The following AGXT2 variants were observed in gnomAD, a reference collection of about 807,000 sequenced individuals.
The protein encoded by AGXT2 is alanine--glyoxylate aminotransferase 2, mitochondrial.
AGXT2 carries 61 observed loss-of-function variants against 62.5 expected under a neutral mutation model. That is an observed-to-expected ratio of 0.98 (90% CI 0.79 to 1.21). AGXT2 has a LOEUF of 1.21. Among genes scored for constraint, AGXT2 ranks in the 50% most tolerant of loss-of-function variants. AGXT2 has a pLI of 0.00. For synonymous variants in AGXT2, 243 were observed against 218.7 expected (o/e 1.11, Z -0.98); for missense variants, 666 against 641.5 (o/e 1.04, Z -0.41).
intron 12 of AGXT2, among the ~76,000 whole-genome samples, chr5:35,008,080 G>A (rs537397987): frequency 3.3e-5 from 5 of 152,122 alleles, no homozygotes; most frequent in East Asian, 1.9e-4. Context: ...CTTCCTGTAT[G>A]GTCTGCAGAA....
At chr5:35,039,268 A>G in intron 3 of AGXT2, 56 bp downstream of exon 3, 1 of 1,570,088 alleles carries the variant, frequency 6.4e-7, no homozygotes, top group Non-Finnish European at 8.8e-7. Context: ...CACTAACATA[A>G]TTGTTTTCCA....
At chr5:35,010,506 C>T (rs535816410) in intron 11 of AGXT2, among the ~76,000 whole-genome samples, 37 of 151,904 alleles carry the variant, frequency 2.4e-4, no homozygotes, top group African/African-American at 3.4e-4. Context: ...GGTGAAACCC[C>T]GTCTCTACTT....
chr5:35,037,262 TCCTCTCC>T, intron 3 of AGXT2, among the ~76,000 whole-genome samples, 197 bp from the exon 4 acceptor site: 2 of 152,320 alleles, frequency 1.3e-5, no homozygotes, highest in South Asian at 4.1e-4. Context: ...GGTAATGAAT[TCCTCTCC>T]AAGAGCAGGG....
intron 13 of AGXT2, among the ~76,000 whole-genome samples, chr5:35,002,764 G>T (rs1766276891): frequency 7.9e-6 from 1 of 126,828 alleles, no homozygotes; most frequent in Non-Finnish European, 1.7e-5. Flanking sequence ...ATGGCGCTTT[G>T]TGATAGCAGG....
chr5:35,005,201 T>TG (rs34010471), intron 12 of AGXT2, among the ~76,000 whole-genome samples: 18 of 152,024 alleles, frequency 1.2e-4, no homozygotes, highest in Non-Finnish European at 2.4e-4. Context: ...AAGGTTGGGT[T>TG]GGGGGGGTCA....
chr5:35,025,660 G>C, intron 9 of AGXT2, 103 bp downstream of exon 9: 1 of 1,244,936 alleles, frequency 8.0e-7, no homozygotes, highest in Non-Finnish European at 1.2e-6. Context: ...GGAATTCACA[G>C]AGCAGAGGCT....
chr5:35,021,148 C>G (rs1767064426), intron 9 of AGXT2, among the ~76,000 whole-genome samples: 1 of 152,154 alleles, frequency 6.6e-6, no homozygotes, highest in Admixed American at 6.5e-5. Flanking sequence ...GCCACACTGC[C>G]CAAGGTAATT....
chr5:35,024,618 A>G (rs1239117230), intron 9 of AGXT2, among the ~76,000 whole-genome samples: 2 of 152,206 alleles, frequency 1.3e-5, no homozygotes, highest in Non-Finnish European at 2.9e-5. Context: ...CAAATGCAGT[A>G]CCTGCAGTTG....
chr5:35,031,145 G>C (rs904704160), intron 7 of AGXT2, among the ~76,000 whole-genome samples: 14 of 152,204 alleles, frequency 9.2e-5, no homozygotes, highest in African/African-American at 3.4e-4. Context: ...CGGCACATCA[G>C]TGTGGATGAG....
chr5:35,023,390 C>A (rs958902569), intron 9 of AGXT2, among the ~76,000 whole-genome samples: 1 of 152,126 alleles, frequency 6.6e-6, no homozygotes, highest in Non-Finnish European at 1.5e-5. Context: ...AGAGTTCCAG[C>A]TATTCTTATT....
intron 1 of AGXT2, among the ~76,000 whole-genome samples, chr5:35,045,764 C>CTTTTTTCT (rs1768169582): frequency 2.0e-5 from 2 of 99,164 alleles, no homozygotes; most frequent in Non-Finnish European, 2.0e-5. Flanking sequence ...TTTCTTTTTT[C>CTTTTTTCT]TTTTTTTTTT....
intron 9 of AGXT2, among the ~76,000 whole-genome samples, chr5:35,014,464 A>AAAAG (rs1315088793): frequency 6.6e-6 from 1 of 151,216 alleles, no homozygotes; most frequent in Non-Finnish European, 1.5e-5. Context: ...AAAAAAAAAA[A>AAAAG]AAAAAAAAGA....
chr5:35,014,007 G>A lies in AGXT2; in HGVS notation c.1076C>T (p.Ala359Val). ...AKGIGNGFPM[A>V]AVITTPEIAK... Reference sequence around the variant, plus strand: ...CCTACCTGGAGTGGTTATGACTGCTGCCATGGGAAAGCCATTCCCAATCCC... The same window carrying A: ...CCTACCTGGAGTGGTTATGACTGCTACCATGGGAAAGCCATTCCCAATCCC... Residue 359 changes from alanine to valine, a missense_variant, in exon 10 of 14, where the codon GCA (alanine) becomes GTA (valine). Coordinates refer to ENST00000231420, the MANE Select transcript of AGXT2 (RefSeq NM_031900.4). 1 of 1,614,072 alleles carries A rather than the reference G, an allele frequency of 6.2e-7. No homozygotes were observed. The highest frequency in any genetic ancestry group is 8.5e-7 in the Non-Finnish European group (1 of 1,179,988).
chr5:35,046,471 C>G (rs1044519983), intron 1 of AGXT2, among the ~76,000 whole-genome samples: 2 of 152,146 alleles, frequency 1.3e-5, no homozygotes, highest in Non-Finnish European at 2.9e-5. Context: ...TCTTCGAGTT[C>G]GGAGTCAGAT....
intron 11 of AGXT2, 141 bp downstream of exon 11, chr5:35,012,813 G>A: frequency 3.5e-6 from 3 of 848,106 alleles, no homozygotes; most frequent in Non-Finnish European, 5.9e-6. Flanking sequence ...AATAATAAAT[G>A]GAAATCTAAC....
At chr5:35,003,368 A>T (rs1214673142) in intron 13 of AGXT2, among the ~76,000 whole-genome samples, 1 of 152,184 alleles carries the variant, frequency 6.6e-6, no homozygotes, top group East Asian at 1.9e-4. Context: ...GGCTGAGCTA[A>T]GAACGGCCAG....
At chr5:35,013,960 C>T in intron 10 of AGXT2, 27 bp downstream of exon 10, 1 of 1,613,800 alleles carries the variant, frequency 6.2e-7, no homozygotes, top group South Asian at 1.1e-5. Context: ...GGCCCAGAAG[C>T]AAACACAAAC....
chr5:35,037,169 CA>C, intron 3 of AGXT2, 104 bp from the exon 4 acceptor site: 1 of 1,536,954 alleles, frequency 6.5e-7, no homozygotes, highest in Non-Finnish European at 8.8e-7. Flanking sequence ...CAAAGAGTTT[CA>C]AGAGGCAGAT....
chr5:35,040,055 A>G (rs1441923268), intron 2 of AGXT2, among the ~76,000 whole-genome samples: 2 of 151,846 alleles, frequency 1.3e-5, no homozygotes, highest in Non-Finnish European at 2.9e-5. Flanking sequence ...GCACGTGTGC[A>G]TGCATAACAG....
Sources: gnomAD v4.1 joint callset for allele counts (sites outside exome capture counted in the v4.1 genomes callset) on GRCh38, gnomAD v4.1.1 for gene constraint, MANE v1.5 for transcripts, NCBI Gene and HGNC (gene_info 2026-07-23, HGNC 2026-07-21) for gene names.